Variants in KLHL29 observed in about 807,000 individuals in gnomAD.
The protein encoded by KLHL29 is kelch like family member 29, also known as kelch-like protein 29.
KLHL29 carries 21 observed loss-of-function variants against 80.4 expected under a neutral mutation model. That is an observed-to-expected ratio of 0.26 (90% CI 0.19 to 0.38). The LOEUF is 0.38. KLHL29 is among the 10% of genes least tolerant of loss of function. The pLI, the probability that KLHL29 is intolerant of heterozygous loss-of-function variation, is 1.00. For synonymous variants in KLHL29, 511 were observed against 526.8 expected, an observed-to-expected ratio of 0.97 and a Z score of 0.41; for missense variants, 867 against 1,223.9, an observed-to-expected ratio of 0.71 and a Z score of 4.35.
Position 23,598,499 on chromosome 2 carries a change from T to C in KLHL29, c.285+36018T>C, listed in dbSNP as rs577119274. ...ACCTGCCCTGGCTGTTCCCTGCCAA[T>C]CACGTTCCCTGGTGCACAGTGCCTG... On this transcript the variant is annotated intron_variant, in intron 3 of 13. Transcript: ENST00000486442. Among the ~76,000 whole-genome samples, 18 of 152,350 alleles carry C rather than the reference T, an allele frequency of 1.2e-4. No individual in the cohort carries two copies. In the South Asian group the frequency reaches 3.7e-3, roughly 32 times the overall value.
At chr2:23,564,769 A>AGCTG (rs1214059723) in intron 3 of KLHL29, among the ~76,000 whole-genome samples, 11 of 152,310 alleles carry the variant, frequency 7.2e-5, no homozygotes, top group African/African-American at 2.6e-4. Context: ...AGCAGGCAAG[A>AGCTG]GCTGGCTGGC....
At chr2:23,461,975 CA>C (rs1256955368) in intron 1 of KLHL29, among the ~76,000 whole-genome samples, 4 of 79,504 alleles carry the variant, frequency 5.0e-5, no homozygotes, top group African/African-American at 1.7e-4. Context: ...CGGTTTTTGC[CA>C]TTTTTTTTTT....
chr2:23,442,739 A>G (rs1663566756), intron 1 of KLHL29, among the ~76,000 whole-genome samples: 1 of 152,192 alleles, frequency 6.6e-6, no homozygotes, highest in Non-Finnish European at 1.5e-5. Context: ...ATGCACATGT[A>G]CAACCCCAGA....
rs946312988 is a variant in KLHL29, at chr2:23,574,925, G to A, written c.285+12444G>A. Among the ~76,000 whole-genome samples the A allele has an allele frequency of 3.9e-5, 6 of 152,210 alleles. No individual in the cohort carries two copies. In the South Asian group the frequency reaches 6.2e-4, roughly 16 times the overall value. On this transcript the variant is annotated intron_variant, in intron 3 of 13. Transcript: ENST00000486442. ...CATGCAGACCAGTGTGTGCTGGGCC[G>A]GTTACAAGGAAGGACTCCTGAGGAA...
In KLHL29 at chr2:23,485,657, C is replaced by A. The variant is rs543258298; in HGVS notation, c.-46+9990C>A. Among the ~76,000 whole-genome samples the A allele has an allele frequency of 3.9e-5, 6 of 152,230 alleles. No individual in the cohort carries two copies. In the South Asian group the frequency reaches 1.2e-3, roughly 32 times the overall value. The stretch of plus-strand genomic sequence containing the variant: ...TCCATATTCAGAGGGTCCTCACGGC[C>A]TTTGTTCATTCATTCAGGCAACAGC... On this transcript the variant is annotated intron_variant, in intron 2 of 13. Transcript: ENST00000486442.
chr2:23,683,371 G>A, intron 5 of KLHL29, among the ~76,000 whole-genome samples: 1 of 152,270 alleles, frequency 6.6e-6, no homozygotes, highest in Admixed American at 6.5e-5. Context: ...TTAAGGGCAG[G>A]CTTTGCCCAG....
Position 23,708,390 on chromosome 2 carries a change from T to C in KLHL29, c.*1726T>C, listed in dbSNP as rs1391117043. On this transcript the variant is annotated 3_prime_UTR_variant, in exon 14 of 14. Coordinates refer to ENST00000486442, the MANE Select transcript of KLHL29 (RefSeq NM_052920.2). ...GCCTGGGGCAGGGCTAATGTTAGCA[T>C]TGGTGTGCGTCTGCCTCCAAAGGAG... is the stretch of plus-strand genomic sequence containing the variant. The C allele has an allele frequency of 6.6e-6, 1 of 152,210 alleles. No homozygotes were observed. The highest frequency in any genetic ancestry group is 2.1e-4 in the South Asian group (1 of 4,832). The allele number at this position is 152,210 out of a possible 1,614,324, so 9.4% of individuals were successfully genotyped here. A position where few individuals can be genotyped will look rare whatever the true frequency, so the allele number is the denominator to read the frequency against.
intron 2 of KLHL29, among the ~76,000 whole-genome samples, chr2:23,543,428 C>G (rs555542518): frequency 6.6e-6 from 1 of 152,294 alleles, no homozygotes; most frequent in East Asian, 1.9e-4. Flanking sequence ...ATTCTTCAAG[C>G]ACAGTGCCTG....
chr2:23,580,856 T>C (rs1460411555), intron 3 of KLHL29, among the ~76,000 whole-genome samples: 1 of 141,348 alleles, frequency 7.1e-6, no homozygotes, highest in African/African-American at 2.6e-5. Flanking sequence ...CAGGCGCCTG[T>C]AGTCCTAGCT....
chr2:23,629,880 C>T (rs191485881), intron 3 of KLHL29, among the ~76,000 whole-genome samples: 94 of 152,220 alleles, frequency 6.2e-4, no homozygotes, highest in Non-Finnish European at 4.3e-4. Flanking sequence ...AGGCCTGGCA[C>T]GAGCCTGGAG....
At chr2:23,474,613 G>A (rs942829618) in intron 1 of KLHL29, among the ~76,000 whole-genome samples, 12 of 152,094 alleles carry the variant, frequency 7.9e-5, no homozygotes, top group African/African-American at 2.9e-4. Flanking sequence ...TATGGATCAC[G>A]TGCATCTCTA....
chr2:23,696,749 G>A lies in KLHL29; in HGVS notation c.2105+236G>A. 2.1e-6 allele frequency: 1 copy of A among 473,226 alleles called. No homozygotes were observed. Among genetic ancestry groups the A allele is most frequent in the South Asian group, 2.9e-5 (1 of 34,126 alleles). 29.3% of individuals were successfully genotyped at this position (473,226 alleles called of 1,614,324 possible). A position where few individuals can be genotyped will look rare whatever the true frequency, so the allele number is the denominator to read the frequency against. The stretch of plus-strand genomic sequence containing the variant: ...TGCAGTCGCTGAGATGGGAGATGGG[G>A]CGCTTCTGTCCCGACAACCCATTTA... On this transcript the variant is annotated intron_variant, in intron 11 of 13. Transcript: ENST00000486442. The surrounding 1 kb of genome is among the most constrained non-coding windows in gnomAD (Gnocchi z 5.5).
intron 1 of KLHL29, among the ~76,000 whole-genome samples, chr2:23,424,780 T>C (rs534440005): frequency 2.6e-5 from 4 of 152,384 alleles, no homozygotes; most frequent in African/African-American, 7.2e-5. Context: ...GAAGGACTTA[T>C]AAATCTCTCT....
chr2:23,673,246 C>T (rs890152059), intron 5 of KLHL29, among the ~76,000 whole-genome samples: 3 of 122,356 alleles, frequency 2.5e-5, no homozygotes, highest in Admixed American at 8.0e-5. Context: ...ACCCACACCA[C>T]GTGCTCACAT....
intron 3 of KLHL29, among the ~76,000 whole-genome samples, chr2:23,564,642 C>CAG (rs1421067406): frequency 6.6e-6 from 1 of 152,240 alleles, no homozygotes; most frequent in Non-Finnish European, 1.5e-5. Context: ...CCTGCCCACC[C>CAG]AGAGGCCTGT....
chr2:23,674,159 G>A lies in KLHL29; in HGVS notation c.941-10240G>A, dbSNP rs570540416. 4.3e-4 allele frequency among the ~76,000 whole-genome samples: 65 copies of A among 152,242 alleles called. 1 individual carries two copies. The highest frequency in any genetic ancestry group is 1.5e-3 in the African/African-American group (63 of 41,530). ...CACAGGGCATTCCAAGTACACAAAC[G>A]CTCTGTGAGTGTGTCTCCCTTTAAA... On this transcript the variant is annotated intron_variant, in intron 5 of 13. Coordinates refer to ENST00000486442, the MANE Select transcript of KLHL29 (RefSeq NM_052920.2).
At chr2:23,476,400 T>C (rs1216890953) in intron 2 of KLHL29, among the ~76,000 whole-genome samples, 1 of 152,212 alleles carries the variant, frequency 6.6e-6, no homozygotes, top group Non-Finnish European at 1.5e-5. Flanking sequence ...TATAAATGAC[T>C]TATAATCCTG....
At chr2:23,531,409 C>T (rs1248862202) in intron 2 of KLHL29, among the ~76,000 whole-genome samples, 1 of 152,150 alleles carries the variant, frequency 6.6e-6, no homozygotes, top group East Asian at 1.9e-4. Flanking sequence ...AGTTCCATCC[C>T]CCACCCACCC....
At chr2:23,570,473 G>A (rs548750981) in intron 3 of KLHL29, among the ~76,000 whole-genome samples, 1 of 152,334 alleles carries the variant, frequency 6.6e-6, no homozygotes, top group South Asian at 2.1e-4. Context: ...ACCCTTGCTA[G>A]ACCTGCTCCC....
Sources: gnomAD v4.1 joint callset for allele counts (sites outside exome capture counted in the v4.1 genomes callset) on GRCh38, gnomAD v4.1.1 for gene constraint, Gnocchi (gnomAD v3.1) non-coding constraint, MANE v1.5 for transcripts, NCBI Gene and HGNC (gene_info 2026-07-23, HGNC 2026-07-21) for gene names.